RAB3C: variants seen among roughly 807,000 people sequenced by gnomAD.
RAB3C encodes ras-related protein Rab-3C.
A neutral mutation model predicts 26.4 loss-of-function variants in RAB3C; 17 were observed. The observed-to-expected ratio is 0.64, with a 90% confidence interval of 0.44 to 0.97. The LOEUF (loss-of-function observed/expected upper bound fraction) is 0.97, where lower values mean the gene tolerates loss of function less well. Ranked by LOEUF, RAB3C falls within the 50% of genes least tolerant of loss-of-function variation. RAB3C has a pLI of 0.00. For synonymous variants in RAB3C, 91 were observed against 95.9 expected, an observed-to-expected ratio of 0.95 and a Z score of 0.30; for missense variants, 242 against 281.9, an observed-to-expected ratio of 0.86 and a Z score of 1.01.
At chr5:58,766,239 C>T (rs545306656) in intron 3 of RAB3C, among the ~76,000 whole-genome samples, 3 of 152,074 alleles carry the variant, frequency 2.0e-5, no homozygotes, top group Non-Finnish European at 4.4e-5. Flanking sequence ...GCCTCAGCCT[C>T]CAGAGTAGCT....
intron 3 of RAB3C, among the ~76,000 whole-genome samples, chr5:58,811,127 C>T (rs1301314497): frequency 2.6e-5 from 4 of 152,186 alleles, no homozygotes; most frequent in Non-Finnish European, 5.9e-5. Flanking sequence ...GGTTTGTATG[C>T]ACAGCCTGCA....
intron 3 of RAB3C, among the ~76,000 whole-genome samples, chr5:58,776,586 C>G (rs957145836): frequency 1.3e-5 from 2 of 152,210 alleles, no homozygotes; most frequent in East Asian, 3.9e-4. Flanking sequence ...TTATTTTCTT[C>G]TTAATCTTCC....
At chr5:58,835,506 G>A (rs762008281) in intron 4 of RAB3C, among the ~76,000 whole-genome samples, 11 of 152,134 alleles carry the variant, frequency 7.2e-5, no homozygotes, top group African/African-American at 4.8e-5. Context: ...ATGTTTACAT[G>A]TCTCCTGTCC....
chr5:58,582,358 T>C (rs759577442), upstream of RAB3C: 60 of 983,276 alleles, frequency 6.1e-5, no homozygotes, highest in Non-Finnish European at 6.6e-5. Context: ...ACCTCCTTTG[T>C]AGCGAGGGCA....
intron 3 of RAB3C, among the ~76,000 whole-genome samples, chr5:58,804,990 G>T (rs1036339049): frequency 6.6e-6 from 1 of 150,562 alleles, no homozygotes; most frequent in African/African-American, 2.4e-5. Flanking sequence ...GATCAAAACT[G>T]GGGAGAGGCA....
chr5:58,685,729 T>G (rs1748432258), intron 2 of RAB3C, among the ~76,000 whole-genome samples: 2 of 152,182 alleles, frequency 1.3e-5, no homozygotes, highest in Non-Finnish European at 2.9e-5. Flanking sequence ...TACTATGAGC[T>G]AGGCATTCTT....
intron 2 of RAB3C, among the ~76,000 whole-genome samples, chr5:58,668,368 T>C (rs969601541): frequency 6.6e-5 from 10 of 152,078 alleles, no homozygotes; most frequent in African/African-American, 2.4e-4. Flanking sequence ...GAGGTTAGGG[T>C]CTTGGGAGAC....
At chr5:58,837,239 G>T (rs1456325611) in intron 4 of RAB3C, among the ~76,000 whole-genome samples, 1 of 151,984 alleles carries the variant, frequency 6.6e-6, no homozygotes, top group Non-Finnish European at 1.5e-5. Context: ...GGAGTGGAGT[G>T]GGTGTGATAT....
At chr5:58,772,510 A>G (rs973371891) in intron 3 of RAB3C, among the ~76,000 whole-genome samples, 2 of 152,174 alleles carry the variant, frequency 1.3e-5, no homozygotes, top group South Asian at 2.1e-4. Flanking sequence ...TCAGACCACT[A>G]TGGACAGAGG....
At chr5:58,742,227 C>T (rs1168252596) in intron 3 of RAB3C, among the ~76,000 whole-genome samples, 1 of 152,080 alleles carries the variant, frequency 6.6e-6, no homozygotes, top group Non-Finnish European at 1.5e-5. Flanking sequence ...CTTATTGGCT[C>T]CCCAAATTTT....
intron 1 of RAB3C, among the ~76,000 whole-genome samples, chr5:58,615,985 G>GACACACACACACACAC (rs58004467): frequency 6.7e-6 from 1 of 149,536 alleles, no homozygotes; most frequent in African/African-American, 2.5e-5. Context: ...CACACACACA[G>GACACACACACACACAC]ACACACACAC....
chr5:58,734,207 GT>G (rs923011875), intron 3 of RAB3C, among the ~76,000 whole-genome samples: 1 of 151,480 alleles, frequency 6.6e-6, no homozygotes, highest in African/African-American at 2.4e-5. Context: ...CCCTTCTGCA[GT>G]TTTTTTTTCT....
At chr5:58,609,203 C>T (rs1746639757) in intron 1 of RAB3C, among the ~76,000 whole-genome samples, 1 of 151,960 alleles carries the variant, frequency 6.6e-6, no homozygotes, top group Admixed American at 6.6e-5. Flanking sequence ...AAAAGAAAAA[C>T]CTGAACTATA....
chr5:58,795,474 A>T (rs1463415307), intron 3 of RAB3C, among the ~76,000 whole-genome samples: 1 of 152,094 alleles, frequency 6.6e-6, no homozygotes, highest in Non-Finnish European at 1.5e-5. Context: ...ACTCCAGCCT[A>T]CCCATCCTGG....
chr5:58,846,504 G>A (rs144981443), intron 4 of RAB3C, among the ~76,000 whole-genome samples: 22 of 152,122 alleles, frequency 1.4e-4, no homozygotes, highest in African/African-American at 4.6e-4. Flanking sequence ...TCAGCCTCCC[G>A]AGTAGCTGGG....
chr5:58,606,670 C>T (rs796605604), intron 1 of RAB3C, among the ~76,000 whole-genome samples: 4 of 152,254 alleles, frequency 2.6e-5, no homozygotes, highest in African/African-American at 9.6e-5. Context: ...CAGGTGGGTG[C>T]TCCTCTGGGA....
intron 2 of RAB3C, among the ~76,000 whole-genome samples, chr5:58,626,267 C>T (rs1747048328): frequency 6.6e-6 from 1 of 152,148 alleles, no homozygotes; most frequent in African/African-American, 2.4e-5. Context: ...GAAAGTGGCT[C>T]AATATGTAGG....
chr5:58,677,920 A>C (rs1316971701), intron 2 of RAB3C, among the ~76,000 whole-genome samples: 1 of 152,130 alleles, frequency 6.6e-6, no homozygotes, highest in African/African-American at 2.4e-5. Flanking sequence ...CTAGAATCAA[A>C]GAATGATTTA....
intron 2 of RAB3C, among the ~76,000 whole-genome samples, chr5:58,724,704 T>C (rs1414117265): frequency 3.3e-5 from 5 of 151,646 alleles, no homozygotes; most frequent in African/African-American, 1.2e-4. Flanking sequence ...TTTTTCAGAA[T>C]ATTGCAGAAC....
Sources: gnomAD v4.1 joint callset for allele counts (sites outside exome capture counted in the v4.1 genomes callset) on GRCh38, gnomAD v4.1.1 for gene constraint, MANE v1.5 for transcripts, NCBI Gene and HGNC (gene_info 2026-07-23, HGNC 2026-07-21) for gene names.